BCAT1: variants seen among roughly 807,000 people sequenced by gnomAD.
BCAT1 encodes the protein branched-chain-amino-acid aminotransferase, cytosolic.
Under a neutral mutation model 52.4 loss-of-function variants are expected in BCAT1, and 48 were observed. That is an observed-to-expected ratio of 0.92 (90% CI 0.73 to 1.16). The LOEUF is 1.16. BCAT1 is among the 50% of genes most tolerant of loss of function. The pLI is 0.00. For synonymous variants in BCAT1, 167 were observed against 161.3 expected (o/e 1.04, Z -0.27); for missense variants, 451 against 457.1 (o/e 0.99, Z 0.12).
At position 24,892,270 on chromosome 12, in the gene BCAT1, G is replaced by A. The variant is rs547515912; in HGVS notation, c.279+2005C>T. Reference sequence around the variant, plus strand: ...CATTTCCCAAGAACCCCATCTCCCCGAAACTGCTGAAATTACAGATGTGAA... The same window carrying A: ...CATTTCCCAAGAACCCCATCTCCCCAAAACTGCTGAAATTACAGATGTGAA... On this transcript the variant is annotated intron_variant, in intron 3 of 10. Coordinates refer to ENST00000261192, the MANE Select transcript of BCAT1 (RefSeq NM_005504.7). Among the ~76,000 whole-genome samples the A allele has an allele frequency of 2.1e-4, 32 of 152,002 alleles. No individual in the cohort carries two copies. The South Asian group carries it at 2.9e-3, about 14-fold the overall frequency.
At chr12:24,849,120 C>T (rs1389413826) in intron 6 of BCAT1, among the ~76,000 whole-genome samples, 3 of 152,236 alleles carry the variant, frequency 2.0e-5, no homozygotes, top group Non-Finnish European at 4.4e-5. Flanking sequence ...ACCCATGCTG[C>T]TTAAACCAGT....
intron 8 of BCAT1, 96 bp from the exon 9 acceptor site, chr12:24,832,959 C>G (rs1940749383): frequency 7.8e-7 from 1 of 1,278,616 alleles, no homozygotes; most frequent in Non-Finnish European, 1.1e-6. Context: ...TCTGATTGCA[C>G]TTAGACAAGG....
At chr12:24,839,244 G>A (rs965952373) in intron 7 of BCAT1, among the ~76,000 whole-genome samples, 1 of 152,208 alleles carries the variant, frequency 6.6e-6, no homozygotes, top group African/African-American at 2.4e-5. Flanking sequence ...GCCAGACTGA[G>A]AATGGGATTT....
intron 1 of BCAT1, chr12:24,902,287 T>C: frequency 7.6e-7 from 1 of 1,313,630 alleles, no homozygotes; most frequent in Non-Finnish European, 9.7e-7. Context: ...CCTCGTGGTC[T>C]TGTCAATCAC....
intron 2 of BCAT1, among the ~76,000 whole-genome samples, chr12:24,896,345 C>T (rs1942960110): frequency 6.6e-6 from 1 of 152,190 alleles, no homozygotes; most frequent in East Asian, 1.9e-4. Flanking sequence ...GCCAGCTGGC[C>T]TGTTTTGAAA....
chr12:24,927,062 T>C (rs943816082), intron 1 of BCAT1, among the ~76,000 whole-genome samples: 1 of 152,212 alleles, frequency 6.6e-6, no homozygotes, highest in African/African-American at 2.4e-5. Flanking sequence ...CCAGTTCAAC[T>C]ATAAGTTATA....
intron 10 of BCAT1, among the ~76,000 whole-genome samples, chr12:24,821,608 C>T (rs1413580291): frequency 6.6e-6 from 1 of 152,140 alleles, no homozygotes; most frequent in Admixed American, 6.5e-5. Flanking sequence ...ATGTTTTGCT[C>T]TTTAGTATTT....
At chr12:24,877,018 A>T (rs1318703670) in intron 5 of BCAT1, among the ~76,000 whole-genome samples, 1 of 152,208 alleles carries the variant, frequency 6.6e-6, no homozygotes. Context: ...ATGACTTTTT[A>T]AAATTGTTCC....
intron 5 of BCAT1, among the ~76,000 whole-genome samples, chr12:24,858,732 A>G (rs762807858): frequency 3.9e-5 from 6 of 152,254 alleles, no homozygotes; most frequent in Admixed American, 3.3e-4. Context: ...AATTGAGGCT[A>G]CCAGAGAAAC....
chr12:24,881,401 C>T lies in BCAT1; in HGVS notation c.290G>A (p.Gly97Glu), dbSNP rs751194662. 4 of 1,607,224 alleles carry T rather than the reference C, an allele frequency of 2.5e-6. No individual in the cohort carries two copies. In the East Asian group the frequency reaches 8.9e-5, roughly 36 times the overall value. The change falls in exon 4 of 11, where the codon GGA (glycine) becomes GAA (glutamate). Residue 97 changes from glycine to glutamate, a missense_variant. Physicochemically the swap from Gly to Glu is moderately conservative, Grantham distance 98. Coordinates refer to ENST00000261192, the MANE Select transcript of BCAT1 (RefSeq NM_005504.7). ...ATCTACTCCTCGAAATGCCTTCAATCCTTCAAATAACTGGAGATCAAAGAG... is the reference window on the plus strand; with the variant it reads ...ATCTACTCCTCGAAATGCCTTCAATTCTTCAAATAACTGGAGATCAAAGAG... ...ALHYAVELFE[G>E]LKAFRGVDNK...
chr12:24,856,875 T>C (rs1941700640), intron 5 of BCAT1, among the ~76,000 whole-genome samples: 1 of 152,208 alleles, frequency 6.6e-6, no homozygotes. Context: ...AGTTTCCCTC[T>C]CGTCTTGTTT....
chr12:24,834,394 T>C, intron 8 of BCAT1: 1 of 985,286 alleles, frequency 1.0e-6, no homozygotes, highest in Non-Finnish European at 1.2e-6. Context: ...TGCTCAAGGA[T>C]AGGAAATGGG....
At chr12:24,945,440 G>A (rs1178517048) in intron 1 of BCAT1, 1 of 152,190 alleles carries the variant, frequency 6.6e-6, no homozygotes, top group Non-Finnish European at 1.5e-5. Context: ...TATGTTAGGT[G>A]AAATGTATAG....
rs190883908 is a variant in BCAT1 at position 24,829,849 on chromosome 12, T to C, written c.1093A>G (p.Ile365Val). 11 of 1,611,906 alleles carry C rather than the reference T, an allele frequency of 6.8e-6. No homozygotes were observed. Among genetic ancestry groups the C allele is most frequent in the African/African-American group, 1.3e-5 (1 of 74,960 alleles). ...TGGATATCAGTTAATTTGCTCAAGA[T>C]GCGGCTTGCCAGCTTAGGACCATTC... is the stretch of plus-strand genomic sequence containing the variant. ...MENGPKLASR[I>V]LSKLTDIQYG... The change falls in exon 10 of 11, where the codon ATC (isoleucine) becomes GTC (valine). Residue 365 changes from isoleucine to valine, a missense_variant. Physicochemically the swap from Ile to Val is conservative, Grantham distance 29. Transcript: ENST00000261192.
intron 5 of BCAT1, among the ~76,000 whole-genome samples, chr12:24,854,560 G>C (rs1291453928): frequency 1.3e-5 from 2 of 152,136 alleles, no homozygotes; most frequent in African/African-American, 2.4e-5. Flanking sequence ...GTGAGGGTCA[G>C]GAAAGCGAGG....
intron 1 of BCAT1, among the ~76,000 whole-genome samples, chr12:24,930,952 G>A (rs907499344): frequency 7.1e-6 from 1 of 140,768 alleles, no homozygotes; most frequent in Admixed American, 7.5e-5. Context: ...CCAGGTTGGA[G>A]TACAATGGCA....
intron 1 of BCAT1, chr12:24,902,381 C>T: frequency 8.6e-7 from 1 of 1,156,366 alleles, no homozygotes. Context: ...GATGCCGCAG[C>T]ATCCACCCCA....
intron 1 of BCAT1, among the ~76,000 whole-genome samples, chr12:24,910,501 C>T (rs1281894766): frequency 6.6e-6 from 1 of 152,122 alleles, no homozygotes; most frequent in African/African-American, 2.4e-5. Context: ...GCAAACCTAA[C>T]ATGCTTATTT....
intron 1 of BCAT1, among the ~76,000 whole-genome samples, chr12:24,910,565 A>G (rs751642354): frequency 6.6e-6 from 1 of 152,200 alleles, no homozygotes; most frequent in Non-Finnish European, 1.5e-5. Flanking sequence ...AATAGGGATA[A>G]AAGGGTGAGA....
Sources: gnomAD v4.1 joint callset for allele counts (sites outside exome capture counted in the v4.1 genomes callset) on GRCh38, gnomAD v4.1.1 for gene constraint, MANE v1.5 for transcripts, NCBI Gene and HGNC (gene_info 2026-07-23, HGNC 2026-07-21) for gene names.